Variants in TIMP2 observed in about 807,000 individuals in gnomAD.
TIMP2 encodes TIMP metallopeptidase inhibitor 2.
Under a neutral mutation model 24.3 loss-of-function variants are expected in TIMP2, and 5 were observed. That is an observed-to-expected ratio of 0.21 (90% CI 0.11 to 0.43). The LOEUF is 0.43. Among genes scored for constraint, TIMP2 ranks in the 20% least tolerant of loss-of-function variants. The probability of loss-of-function intolerance (pLI) is 1.00; values close to 1 mark genes in which losing one functional copy is unlikely to be tolerated. For missense variants in TIMP2, 221 were observed against 297.5 expected, an observed-to-expected ratio of 0.74 and a Z score of 1.89; for synonymous variants, 130 against 123.2, an observed-to-expected ratio of 1.06 and a Z score of -0.37.
At chr17:78,864,159 C>A (rs1376142144) in intron 3 of TIMP2, among the ~76,000 whole-genome samples, 1 of 152,176 alleles carries the variant, frequency 6.6e-6, no homozygotes, top group Non-Finnish European at 1.5e-5. Context: ...TAGCTCACTG[C>A]AGCCTCAAAT....
intron 3 of TIMP2, among the ~76,000 whole-genome samples, chr17:78,859,568 C>T (rs962995176): frequency 3.3e-5 from 5 of 152,140 alleles, no homozygotes; most frequent in African/African-American, 1.2e-4. Flanking sequence ...GAGACTGAGG[C>T]AGGAGGATCG....
At chr17:78,868,338 C>G (rs188663494) in intron 3 of TIMP2, among the ~76,000 whole-genome samples, 21 of 152,124 alleles carry the variant, frequency 1.4e-4, no homozygotes, top group African/African-American at 4.8e-4. Context: ...GCAATCTCTG[C>G]CTCCTGGGTT....
chr17:78,887,292 C>T (rs1221750863), intron 1 of TIMP2, among the ~76,000 whole-genome samples: 6 of 152,188 alleles, frequency 3.9e-5, no homozygotes, highest in Admixed American at 1.3e-4. Flanking sequence ...TCATCATCTG[C>T]GTCCTCCACC....
At chr17:78,894,258 C>G (rs1467351934) in intron 1 of TIMP2, among the ~76,000 whole-genome samples, 7 of 152,014 alleles carry the variant, frequency 4.6e-5, no homozygotes, top group Non-Finnish European at 1.0e-4. Context: ...ACCCAGATCA[C>G]ACAGCTGGTA....
chr17:78,920,041 G>C lies in TIMP2; in HGVS notation c.130+4918C>G, dbSNP rs1357598627. On this transcript the variant is annotated intron_variant, in intron 1 of 4. Transcript: ENST00000262768. This position sits in a 1 kb window ranked among gnomAD's most constrained non-coding sequence, Gnocchi z 4.5. ...GTTGCATCCCTCCTCGCAGCTGCCT[G>C]GGAAGCCTCGGGCAGACCTCTTTGT... 6.6e-6 allele frequency among the ~76,000 whole-genome samples: 1 copy of C among 152,092 alleles called. No individual in the cohort carries two copies. Among genetic ancestry groups the C allele is most frequent in the Non-Finnish European group, 1.5e-5 (1 of 68,026 alleles).
rs2070337076 is a variant in TIMP2 at position 78,924,839 on chromosome 17, G to A, written c.130+120C>T. On this transcript the variant is annotated intron_variant, in intron 1 of 4. Coordinates refer to ENST00000262768, the MANE Select transcript of TIMP2 (RefSeq NM_003255.5). This position sits in a 1 kb window ranked among gnomAD's most constrained non-coding sequence, Gnocchi z 5.3. ...TTGCAGGATTCGAGAAGGCGCCGAGGGACCAGGAGGCGGGCGCTGGGGTCC... is the reference window on the plus strand; with the variant it reads ...TTGCAGGATTCGAGAAGGCGCCGAGAGACCAGGAGGCGGGCGCTGGGGTCC... 3.8e-6 allele frequency: 2 copies of A among 532,594 alleles called. No homozygotes were observed. The highest frequency in any genetic ancestry group is 5.3e-6 in the Non-Finnish European group (2 of 378,646). The allele number at this position is 532,594 out of a possible 1,614,324, so 33.0% of individuals were successfully genotyped here. A position where few individuals can be genotyped will look rare whatever the true frequency, so the allele number is the denominator to read the frequency against.
At chr17:78,913,891 C>CA (rs1555652600) in intron 1 of TIMP2, among the ~76,000 whole-genome samples, 3 of 93,678 alleles carry the variant, frequency 3.2e-5, no homozygotes, top group African/African-American at 4.2e-5. Flanking sequence ...AACTCTGTCT[C>CA]GGGGAAAAAA....
intron 1 of TIMP2, among the ~76,000 whole-genome samples, chr17:78,893,746 A>G (rs927995598): frequency 1.2e-4 from 18 of 152,072 alleles, no homozygotes; most frequent in African/African-American, 3.9e-4. Context: ...CTCTCTCTTC[A>G]TGACTCCCAG....
At chr17:78,889,447 C>T (rs994176318) in intron 1 of TIMP2, among the ~76,000 whole-genome samples, 3 of 152,204 alleles carry the variant, frequency 2.0e-5, no homozygotes, top group African/African-American at 2.4e-5. Context: ...ATGTATTAAG[C>T]GACGTGCTAT....
chr17:78,915,721 T>A (rs930169186), intron 1 of TIMP2, among the ~76,000 whole-genome samples: 2 of 152,136 alleles, frequency 1.3e-5, no homozygotes, highest in African/African-American at 4.8e-5. Flanking sequence ...AGTTTCACCA[T>A]GTTGGCAAGG....
intron 3 of TIMP2, among the ~76,000 whole-genome samples, chr17:78,862,878 C>A (rs2069578704): frequency 6.6e-6 from 1 of 152,242 alleles, no homozygotes; most frequent in Admixed American, 6.5e-5. Context: ...CATGTGGCTG[C>A]AAAGGACATG....
intron 1 of TIMP2, among the ~76,000 whole-genome samples, chr17:78,908,383 C>A (rs1212070105): frequency 2.0e-5 from 3 of 152,192 alleles, no homozygotes; most frequent in African/African-American, 7.2e-5. Context: ...AGTCCTTGAT[C>A]ACTGCTGCCA....
intron 1 of TIMP2, among the ~76,000 whole-genome samples, chr17:78,893,506 GGT>G (rs2069951016): frequency 1.3e-5 from 2 of 149,114 alleles, no homozygotes; most frequent in Non-Finnish European, 2.9e-5. Context: ...TGCGCGCAGG[GGT>G]GTGTGCGTGT....
intron 1 of TIMP2, among the ~76,000 whole-genome samples, chr17:78,916,061 G>A (rs1278922399): frequency 6.6e-6 from 1 of 152,204 alleles, no homozygotes. Flanking sequence ...CTGCTCCCAG[G>A]CCTCCCTCAG....
intron 1 of TIMP2, chr17:78,890,643 A>C (rs756566862): frequency 6.5e-7 from 1 of 1,549,858 alleles, no homozygotes; most frequent in Non-Finnish European, 8.7e-7. Flanking sequence ...CGCATTTAGC[A>C]TATGTTCTGA....
intron 1 of TIMP2, chr17:78,897,636 A>T (rs2070023934): frequency 6.6e-6 from 1 of 151,598 alleles, no homozygotes; most frequent in Admixed American, 6.6e-5. Flanking sequence ...CAGGAGAAGG[A>T]CCCCCCCGAA....
intron 1 of TIMP2, 164 bp from the exon 2 acceptor site, chr17:78,874,083 C>G: frequency 1.8e-6 from 1 of 564,194 alleles, no homozygotes; most frequent in Non-Finnish European, 3.1e-6. Context: ...CCCGGCATGG[C>G]GTCTCCTCCT....
rs568765734 is a variant in TIMP2 at position 78,914,560 on chromosome 17, G to A, written c.130+10399C>T. Among the ~76,000 whole-genome samples the A allele has an allele frequency of 2.5e-3, 377 of 151,862 alleles. 3 individuals are homozygous for A. The highest frequency in any genetic ancestry group is 2.9e-3 in the Non-Finnish European group (199 of 67,940). On this transcript the variant is annotated intron_variant, in intron 1 of 4. Transcript: ENST00000262768. ...GGCCTCCCAAAGCACTGGGATTACA[G>A]GGATGAGCTACTGCACCCAGCCAAG...
chr17:78,886,110 G>A (rs1201988984), intron 1 of TIMP2, among the ~76,000 whole-genome samples: 1 of 152,168 alleles, frequency 6.6e-6, no homozygotes, highest in Non-Finnish European at 1.5e-5. Context: ...CAGGACAGGT[G>A]GGAAAGGGCC....
Sources: gnomAD v4.1 joint callset for allele counts (sites outside exome capture counted in the v4.1 genomes callset) on GRCh38, gnomAD v4.1.1 for gene constraint, Gnocchi (gnomAD v3.1) non-coding constraint, MANE v1.5 for transcripts, NCBI Gene and HGNC (gene_info 2026-07-23, HGNC 2026-07-21) for gene names.